Variants in RUNDC3A observed in about 807,000 individuals in gnomAD.
RUNDC3A encodes RUN domain containing 3A.
RUNDC3A carries 28 observed loss-of-function variants against 53.9 expected under a neutral mutation model. The observed-to-expected ratio is 0.52, with a 90% CI of 0.38 to 0.71. The LOEUF is 0.71. RUNDC3A is among the 30% of genes least tolerant of loss of function. The probability of loss-of-function intolerance (pLI) is 0.00; values close to 1 mark genes in which losing one functional copy is unlikely to be tolerated. For synonymous variants in RUNDC3A, 232 were observed against 249.4 expected, an observed-to-expected ratio of 0.93 and a Z score of 0.66; for missense variants, 491 against 597.3, an observed-to-expected ratio of 0.82 and a Z score of 1.85.
At chr17:44,314,322 G>T (rs1041613396) in intron 4 of RUNDC3A, 3 of 1,026,624 alleles carry the variant, frequency 2.9e-6, no homozygotes, top group African/African-American at 3.4e-5. Flanking sequence ...GTGGCGGGGG[G>T]CATATACCTC....
chr17:44,308,782 CG>C lies in RUNDC3A; in HGVS notation c.-48del, dbSNP rs1337301294. On this transcript the variant is annotated 5_prime_UTR_variant, in exon 1 of 11. Transcript: ENST00000426726. ...TGATCCAGCGACGGGTTTGGGGCTC[CG>C]GGAGGGGTGGGGGGGCAGCGGGCGG... 9.2e-7 allele frequency: 1 copy of C among 1,081,178 alleles called. No individual in the cohort carries two copies. Among genetic ancestry groups the C allele is most frequent in the African/African-American group, 2.1e-5 (1 of 47,680 alleles). 67.0% of individuals were successfully genotyped at this position (1,081,178 alleles called of 1,614,324 possible).
chr17:44,312,637 G>A lies in RUNDC3A; in HGVS notation c.165G>A (p.Ser55=), dbSNP rs200736626. 4.7e-5 allele frequency: 74 copies of A among 1,587,566 alleles called. No individual in the cohort carries two copies. The highest frequency in any genetic ancestry group is 1.4e-4 in the Admixed American group (8 of 56,002). ...KYTAEPIDDS[S]EEFVNFAAIL... The stretch of plus-strand genomic sequence containing the variant: ...CAGCGGAGCCCATCGATGACTCATC[G>A]GAGGAGTTTGTCAATTTTGCAGCCA... Residue 55 remains serine, a synonymous_variant, in exon 2 of 11, where the codon TCG becomes TCA. Transcript: ENST00000426726.
intron 2 of RUNDC3A, 81 bp from the exon 3 acceptor site, chr17:44,313,023 C>T (rs1206265327): frequency 6.8e-7 from 1 of 1,479,364 alleles, no homozygotes; most frequent in African/African-American, 1.4e-5. Context: ...GCTGCTTATG[C>T]TTATGCATGT....
intron 8 of RUNDC3A, 83 bp from the exon 9 acceptor site, chr17:44,316,302 A>T (rs1598330712): frequency 1.8e-5 from 23 of 1,290,186 alleles, no homozygotes; most frequent in Non-Finnish European, 2.4e-5. Flanking sequence ...TTCATTCCTG[A>T]CCCCTCCCTC....
chr17:44,309,401 G>A (rs1484634508), intron 1 of RUNDC3A, among the ~76,000 whole-genome samples: 2 of 152,182 alleles, frequency 1.3e-5, no homozygotes, highest in Non-Finnish European at 2.9e-5. Context: ...GATGGGCAGG[G>A]TCAATTGGGC....
chr17:44,318,056 G>A (rs2047908272), intron 10 of RUNDC3A, 40 bp from the exon 11 acceptor site: 4 of 1,544,636 alleles, frequency 2.6e-6, no homozygotes, highest in African/African-American at 2.7e-5. Flanking sequence ...TCCCACACAT[G>A]TAGACTGGTC....
chr17:44,314,643 T>C, intron 4 of RUNDC3A, 92 bp from the exon 5 acceptor site: 1 of 1,442,084 alleles, frequency 6.9e-7, no homozygotes, highest in Non-Finnish European at 9.1e-7. Flanking sequence ...TCCTTCAGGA[T>C]GGGGTGGCAG....
Position 44,310,792 on chromosome 17 carries a change from C to A in RUNDC3A, c.108-1788C>A, listed in dbSNP as rs1246688613. 9 of 985,520 alleles carry A rather than the reference C, an allele frequency of 9.1e-6. No individual in the cohort carries two copies. In the East Asian group the frequency reaches 4.5e-4, roughly 50 times the overall value. The allele number at this position is 985,520 out of a possible 1,614,324, so 61.0% of individuals were successfully genotyped here. ...GATACCATATGGCTGCCATGCTGAA[C>A]CCAGTCCAGGCCCCATCATGGTCTG... On this transcript the variant is annotated intron_variant, in intron 1 of 10. Transcript: ENST00000426726.
At chr17:44,311,100 T>A in intron 1 of RUNDC3A, 1 of 985,544 alleles carries the variant, frequency 1.0e-6, no homozygotes, top group East Asian at 1.1e-4. Flanking sequence ...GGAAACAGGA[T>A]TTGAATCCAG....
chr17:44,314,235 G>A, intron 4 of RUNDC3A: 1 of 1,004,454 alleles, frequency 1.0e-6, no homozygotes, highest in Non-Finnish European at 1.2e-6. Context: ...GGTTCACAGG[G>A]AGGTTGGGTG....
chr17:44,314,423 CTACTGTA>C, intron 4 of RUNDC3A: 1 of 1,224,944 alleles, frequency 8.2e-7, no homozygotes, highest in Non-Finnish European at 1.0e-6. Context: ...TTTTGCGCAC[CTACTGTA>C]TACCAAGCAC....
At chr17:44,314,688 G>GGCC in intron 4 of RUNDC3A, 47 bp from the exon 5 acceptor site, 3 of 931,046 alleles carry the variant, frequency 3.2e-6, no homozygotes, top group Non-Finnish European at 4.6e-6. Context: ...GGGGGGGGGG[G>GGCC]CGCTCCAGGG....
intron 9 of RUNDC3A, 45 bp from the exon 10 acceptor site, chr17:44,316,574 A>C (rs772724876): frequency 6.3e-7 from 1 of 1,579,928 alleles, no homozygotes; most frequent in South Asian, 1.1e-5. Flanking sequence ...GTCCTGGGGA[A>C]GAAGGGCTTC....
chr17:44,315,943 A>G lies in RUNDC3A; in HGVS notation c.953+334A>G, dbSNP rs1288700477. Reference sequence around the variant, plus strand: ...GCTCTGCAACCTTCAACACGATTGCATTCATCGCCTCACTCACCTGCACCA... The same window carrying G: ...GCTCTGCAACCTTCAACACGATTGCGTTCATCGCCTCACTCACCTGCACCA... On this transcript the variant is annotated intron_variant, in intron 8 of 10. Coordinates refer to ENST00000426726, the MANE Select transcript of RUNDC3A (RefSeq NM_001144825.2). This position sits in a 1 kb window ranked among gnomAD's most constrained non-coding sequence, Gnocchi z 6.1. Among the ~76,000 whole-genome samples, 1 of 152,016 alleles carries G rather than the reference A, an allele frequency of 6.6e-6. No individual in the cohort carries two copies. The highest frequency in any genetic ancestry group is 1.5e-5 in the Non-Finnish European group (1 of 67,992).
chr17:44,313,689 T>C, intron 4 of RUNDC3A, 186 bp downstream of exon 4: 6 of 1,360,254 alleles, frequency 4.4e-6, no homozygotes, highest in Non-Finnish European at 4.7e-6. Flanking sequence ...TTTTTTTTTT[T>C]TTTTTTTTTG....
chr17:44,313,207 G>A lies in RUNDC3A; in HGVS notation c.327G>A (p.Val109=), dbSNP rs1259646911. The change falls in exon 3 of 11, where the codon GTG becomes GTA. Residue 109 remains valine, a synonymous_variant. Coordinates refer to ENST00000426726, the MANE Select transcript of RUNDC3A (RefSeq NM_001144825.2). ...LACSKVPNNC[V]SSIENMENIS... ...GCAGCAAAGTGCCCAACAACTGTGTGAGCAGCATCGAGAACATGGAGAACA... is the reference window on the plus strand; with the variant it reads ...GCAGCAAAGTGCCCAACAACTGTGTAAGCAGCATCGAGAACATGGAGAACA... 12 of 1,613,914 alleles carry A rather than the reference G, an allele frequency of 7.4e-6. No homozygotes were observed. The highest frequency in any genetic ancestry group is 1.7e-5 in the Admixed American group (1 of 60,024).
chr17:44,308,663 G>T lies in RUNDC3A; in HGVS notation c.-170G>T. The T allele has an allele frequency of 2.2e-6, 1 of 462,978 alleles. No individual in the cohort carries two copies. The highest frequency in any genetic ancestry group is 4.2e-5 in the South Asian group (1 of 23,948). 28.7% of individuals were successfully genotyped at this position (462,978 alleles called of 1,614,324 possible). On this transcript the variant is annotated 5_prime_UTR_variant, in exon 1 of 11. Coordinates refer to ENST00000426726, the MANE Select transcript of RUNDC3A (RefSeq NM_001144825.2). Reference sequence around the variant, plus strand: ...CTTGTTTTGCTCTGGCATCGCCGCCGGGGGAGGGAGCGAGGGGGCCGGGCA... The same window carrying T: ...CTTGTTTTGCTCTGGCATCGCCGCCTGGGGAGGGAGCGAGGGGGCCGGGCA...
Position 44,318,354 on chromosome 17 carries a change from C to T in RUNDC3A, c.*116C>T. On this transcript the variant is annotated 3_prime_UTR_variant, in exon 11 of 11. Coordinates refer to ENST00000426726, the MANE Select transcript of RUNDC3A (RefSeq NM_001144825.2). ...CTTCCAGAGAACGCTACCCACCCAGCCAGGGTTCTCTCGGGGAAGATCTCG... is the reference window on the plus strand; with the variant it reads ...CTTCCAGAGAACGCTACCCACCCAGTCAGGGTTCTCTCGGGGAAGATCTCG... 1 of 1,166,260 alleles carries T rather than the reference C, an allele frequency of 8.6e-7. No homozygotes were observed. Among genetic ancestry groups the T allele is most frequent in the Non-Finnish European group, 1.2e-6 (1 of 828,368 alleles). 72.2% of individuals were successfully genotyped at this position (1,166,260 alleles called of 1,614,324 possible). A position where few individuals can be genotyped will look rare whatever the true frequency, so the allele number is the denominator to read the frequency against.
intron 4 of RUNDC3A, 179 bp downstream of exon 4, chr17:44,313,682 T>TA (rs892983093): frequency 1.3e-4 from 154 of 1,185,062 alleles, no homozygotes; most frequent in Non-Finnish European, 1.6e-4. Context: ...CGAACTCTTT[T>TA]TTTTTTTTTT....
Sources: allele counts gnomAD v4.1 joint callset (sites outside exome capture counted in the v4.1 genomes callset), GRCh38; gene constraint gnomAD v4.1.1; non-coding constraint Gnocchi (gnomAD v3.1); transcripts MANE v1.5; gene names NCBI Gene and HGNC (gene_info 2026-07-23, HGNC 2026-07-21).